RAB6A: variants seen among roughly 807,000 people sequenced by gnomAD.
The protein encoded by RAB6A is ras-related protein Rab-6A.
In RAB6A, 8 loss-of-function variants were observed where a neutral mutation model predicts 32.3. That is an observed-to-expected ratio of 0.25 (90% CI 0.15 to 0.45). The LOEUF is 0.45. RAB6A is among the 20% of genes least tolerant of loss of function. The pLI is 1.00. For synonymous variants in RAB6A, 73 were observed against 82.1 expected (o/e 0.89, Z 0.60); for missense variants, 104 against 249.4 (o/e 0.42, Z 3.93).
chr11:73,752,725 G>A (rs1195292913), intron 1 of RAB6A, among the ~76,000 whole-genome samples: 3 of 151,950 alleles, frequency 2.0e-5, no homozygotes, highest in Non-Finnish European at 2.9e-5. Flanking sequence ...GGCCGAGGTG[G>A]GAGGATCACT....
intron 2 of RAB6A, chr11:73,730,197 G>A (rs932259362): frequency 6.6e-6 from 1 of 152,152 alleles, no homozygotes; most frequent in Non-Finnish European, 1.5e-5. Flanking sequence ...TCTTAAAGTA[G>A]AATGTTAGGC....
chr11:73,726,821 T>C (rs1490181584), intron 2 of RAB6A, among the ~76,000 whole-genome samples: 1 of 151,328 alleles, frequency 6.6e-6, no homozygotes, highest in East Asian at 1.9e-4. Context: ...CATGGAGGAA[T>C]TAATGGGTTG....
chr11:73,744,422 T>G (rs1424349889), intron 1 of RAB6A, among the ~76,000 whole-genome samples: 2 of 121,762 alleles, frequency 1.6e-5, no homozygotes, highest in East Asian at 2.6e-4. Flanking sequence ...GAGGGAGGAG[T>G]ATCACTTGAG....
intron 2 of RAB6A, among the ~76,000 whole-genome samples, chr11:73,725,158 T>C (rs1946197134): frequency 6.6e-6 from 1 of 152,216 alleles, no homozygotes; most frequent in African/African-American, 2.4e-5. Context: ...ATTCCTGCCT[T>C]ATACTTTCCA....
intron 6 of RAB6A, among the ~76,000 whole-genome samples, chr11:73,685,653 T>C (rs1590823032): frequency 7.7e-6 from 1 of 129,790 alleles, no homozygotes; most frequent in African/African-American, 3.0e-5. Flanking sequence ...CCAAGACGGG[T>C]GGATCATCTG....
At chr11:73,723,746 G>A (rs1946176228) in intron 2 of RAB6A, among the ~76,000 whole-genome samples, 1 of 152,108 alleles carries the variant, frequency 6.6e-6, no homozygotes, top group African/African-American at 2.4e-5. Flanking sequence ...AGTCTGCTAA[G>A]ACAAACAATA....
In RAB6A at chr11:73,692,893, G is replaced by A. The variant is rs543011025; in HGVS notation, c.496-13173C>T. Among the ~76,000 whole-genome samples, 3 of 151,872 alleles carry A rather than the reference G, an allele frequency of 2.0e-5. No individual in the cohort carries two copies. The South Asian group carries it at 6.2e-4, about 32-fold the overall frequency. On this transcript the variant is annotated intron_variant, in intron 6 of 7. Coordinates refer to ENST00000336083, the MANE Select transcript of RAB6A (RefSeq NM_198896.2). Reference sequence around the variant, plus strand: ...GGAGAATGGCGTGAACCCAGGAGGTGGAGCTTGCAGTGAGCCGAGATCGCG... The same window carrying A: ...GGAGAATGGCGTGAACCCAGGAGGTAGAGCTTGCAGTGAGCCGAGATCGCG...
At chr11:73,754,853 C>T (rs1331224385) in intron 1 of RAB6A, among the ~76,000 whole-genome samples, 6 of 150,954 alleles carry the variant, frequency 4.0e-5, no homozygotes, top group Non-Finnish European at 1.5e-5. Context: ...GGGAGGCACT[C>T]ACTCCATCCT....
At chr11:73,743,304 C>CAAAAA (rs56400918) in intron 1 of RAB6A, among the ~76,000 whole-genome samples, 1 of 103,370 alleles carries the variant, frequency 9.7e-6, no homozygotes, top group African/African-American at 3.6e-5. Flanking sequence ...AACTCTGTCT[C>CAAAAA]AAAAAAAAAA....
intron 6 of RAB6A, among the ~76,000 whole-genome samples, chr11:73,689,795 C>A (rs903818623): frequency 2.7e-5 from 4 of 150,504 alleles, no homozygotes; most frequent in African/African-American, 9.8e-5. Flanking sequence ...CTACTTTGGG[C>A]AGATGTTCTC....
chr11:73,705,803 A>AGAGAGAGAGAGAGAGAGAG (rs1945832018), intron 6 of RAB6A, among the ~76,000 whole-genome samples: 1 of 145,286 alleles, frequency 6.9e-6, no homozygotes, highest in African/African-American at 2.5e-5. Context: ...AGAGAGAGAG[A>AGAGAGAGAGAGAGAGAGAG]TTTTCAATAT....
intron 1 of RAB6A, among the ~76,000 whole-genome samples, chr11:73,731,835 G>A (rs1172692256): frequency 6.7e-6 from 1 of 149,158 alleles, no homozygotes; most frequent in Non-Finnish European, 1.5e-5. Context: ...TCCGCCTCCC[G>A]GGTTCAACCG....
intron 6 of RAB6A, among the ~76,000 whole-genome samples, chr11:73,686,147 C>T (rs928884014): frequency 6.6e-6 from 1 of 152,140 alleles, no homozygotes; most frequent in African/African-American, 2.4e-5. Context: ...GCTGAAACTT[C>T]CTTACTTAGG....
intron 6 of RAB6A, among the ~76,000 whole-genome samples, chr11:73,688,405 A>C (rs759380160): frequency 6.6e-6 from 1 of 152,188 alleles, no homozygotes; most frequent in Non-Finnish European, 1.5e-5. Flanking sequence ...TTGCAGTCTC[A>C]ACAGCGGGGT....
At chr11:73,696,359 A>C (rs940961092) in intron 6 of RAB6A, among the ~76,000 whole-genome samples, 1 of 151,770 alleles carries the variant, frequency 6.6e-6, no homozygotes, top group African/African-American at 2.4e-5. Flanking sequence ...CACCACATCA[A>C]GCTAATTTTT....
At chr11:73,704,020 C>T (rs972443903) in intron 6 of RAB6A, 11 of 160,698 alleles carry the variant, frequency 6.8e-5, no homozygotes, top group Admixed American at 2.5e-4. Context: ...CAGAGGGAGA[C>T]TCCATCTCAA....
At chr11:73,752,675 G>A (rs1010612418) in intron 1 of RAB6A, among the ~76,000 whole-genome samples, 3 of 152,036 alleles carry the variant, frequency 2.0e-5, no homozygotes, top group African/African-American at 2.4e-5. Flanking sequence ...AAAAATAGCC[G>A]GCCTTGGTGG....
intron 1 of RAB6A, among the ~76,000 whole-genome samples, chr11:73,741,423 C>T (rs993353681): frequency 2.0e-5 from 3 of 152,094 alleles, no homozygotes; most frequent in Non-Finnish European, 2.9e-5. Flanking sequence ...TAGGCGTGAG[C>T]CACCGTGCCT....
At chr11:73,743,654 T>C (rs1343044683) in intron 1 of RAB6A, among the ~76,000 whole-genome samples, 1 of 152,122 alleles carries the variant, frequency 6.6e-6, no homozygotes, top group African/African-American at 2.4e-5. Context: ...CACTTAATTC[T>C]GAGCCTAGCC....
Sources: allele counts gnomAD v4.1 joint callset (sites outside exome capture counted in the v4.1 genomes callset), GRCh38; gene constraint gnomAD v4.1.1; transcripts MANE v1.5; gene names NCBI Gene and HGNC (gene_info 2026-07-23, HGNC 2026-07-21).